Variants in MRPS9 observed in about 807,000 individuals in gnomAD.
MRPS9 encodes mitochondrial ribosomal protein S9.
A neutral mutation model predicts 59.9 loss-of-function variants in MRPS9; 45 were observed. The ratio of observed to expected loss-of-function variants is 0.75; its 90% CI spans 0.59 to 0.96. MRPS9 has a LOEUF of 0.96. Among genes scored for constraint, MRPS9 ranks in the 40% least tolerant of loss-of-function variants. MRPS9 has a pLI of 0.00. For synonymous variants in MRPS9, 171 were observed against 166.8 expected (o/e 1.03, Z -0.19); for missense variants, 473 against 481.1 (o/e 0.98, Z 0.16).
intron 5 of MRPS9, among the ~76,000 whole-genome samples, chr2:105,085,699 T>A (rs1031867872): frequency 2.0e-5 from 3 of 152,206 alleles, no homozygotes. Flanking sequence ...ATAGGCTTGC[T>A]TTGATTTTAT....
At chr2:105,088,748 G>C (rs967191387) in intron 5 of MRPS9, among the ~76,000 whole-genome samples, 8 of 151,990 alleles carry the variant, frequency 5.3e-5, no homozygotes, top group African/African-American at 1.9e-4. Flanking sequence ...CTAAAGTTAA[G>C]TGTGCTGTGA....
In MRPS9 at chr2:105,097,226, GGGGCGGGA is replaced by G. The variant is rs772731760; in HGVS notation, c.1004_1011del (p.Gly335ValfsTer36). On this transcript the variant is annotated frameshift_variant, in exon 10 of 11. Coordinates refer to ENST00000258455, the MANE Select transcript of MRPS9 (RefSeq NM_182640.3). LOFTEE classifies it high-confidence loss of function. ...CACGACGTGACCTGCACAGTCTCAG[GGGGCGGGA>G]GGTCAGCGCAGGCTGGAGCAATACG... 6.2e-7 allele frequency: 1 copy of G among 1,612,722 alleles called. No individual in the cohort carries two copies. Among genetic ancestry groups the G allele is most frequent in the Non-Finnish European group, 8.5e-7 (1 of 1,179,476 alleles).
chr2:105,064,468 G>A (rs1216979146), intron 2 of MRPS9, among the ~76,000 whole-genome samples: 9 of 152,180 alleles, frequency 5.9e-5, no homozygotes, highest in Non-Finnish European at 1.2e-4. Context: ...ATGCCACCAG[G>A]AGCACAGTCT....
rs777356053 is a variant in MRPS9, at chr2:105,093,610, C to G, written c.901C>G (p.Gln301Glu). The G allele has an allele frequency of 6.2e-7, 1 of 1,603,840 alleles. No individual in the cohort carries two copies. Among genetic ancestry groups the G allele is most frequent in the Non-Finnish European group, 8.5e-7 (1 of 1,174,396 alleles). ...GRIKVNGIDYQLYFPITQDRE... is the reference protein window; with the variant it reads ...GRIKVNGIDYELYFPITQDRE... The stretch of plus-strand genomic sequence containing the variant: ...AATAAAAGTAAATGGAATTGATTAC[C>G]AGCTTTACTTCCCGATCACACAGGA... Residue 301 changes from glutamine (Q) to glutamate (E), a missense_variant, in exon 9 of 11, where the codon CAG becomes GAG. Transcript: ENST00000258455.
chr2:105,043,090 A>G (rs1384631284), intron 1 of MRPS9, among the ~76,000 whole-genome samples: 1 of 152,222 alleles, frequency 6.6e-6, no homozygotes, highest in Non-Finnish European at 1.5e-5. Flanking sequence ...CATATCTAAC[A>G]GAATGAACAG....
At chr2:105,091,515 T>C in intron 7 of MRPS9, 1 of 343,452 alleles carries the variant, frequency 2.9e-6, no homozygotes, top group Non-Finnish European at 6.1e-6. Flanking sequence ...GTAGTTCTTT[T>C]AATATTAATC....
intron 1 of MRPS9, 124 bp from the exon 2 acceptor site, chr2:105,049,047 T>C (rs1679660519): frequency 1.5e-6 from 1 of 665,366 alleles, no homozygotes; most frequent in Non-Finnish European, 2.4e-6. Flanking sequence ...TTTGGACTCC[T>C]GTCACTTGAA....
At chr2:105,090,286 G>A (rs1190864908) in intron 7 of MRPS9, among the ~76,000 whole-genome samples, 1 of 152,194 alleles carries the variant, frequency 6.6e-6, no homozygotes, top group Non-Finnish European at 1.5e-5. Context: ...GGGAAGCACG[G>A]CAGATGTTGT....
intron 9 of MRPS9, among the ~76,000 whole-genome samples, chr2:105,095,423 A>G (rs545874470): frequency 2.0e-5 from 3 of 152,164 alleles, no homozygotes; most frequent in South Asian, 4.1e-4. Context: ...TGGATATATA[A>G]CTGAGTCATG....
At chr2:105,050,249 C>T (rs1679686249) in intron 2 of MRPS9, among the ~76,000 whole-genome samples, 1 of 152,144 alleles carries the variant, frequency 6.6e-6, no homozygotes, top group South Asian at 2.1e-4. Flanking sequence ...AAGCAGTTCT[C>T]CTGCCTCAGC....
intron 1 of MRPS9, among the ~76,000 whole-genome samples, chr2:105,041,533 T>G (rs1192302725): frequency 6.6e-6 from 1 of 152,112 alleles, no homozygotes; most frequent in Non-Finnish European, 1.5e-5. Flanking sequence ...TATCTGTTTT[T>G]TTTTTTTTAA....
intron 5 of MRPS9, among the ~76,000 whole-genome samples, chr2:105,088,338 G>C (rs552252580): frequency 1.3e-5 from 2 of 152,110 alleles, no homozygotes; most frequent in African/African-American, 4.8e-5. Flanking sequence ...GATCCTTATT[G>C]CTGGATTATT....
chr2:105,058,136 C>CTAATGAACAGAG (rs1195530709), intron 2 of MRPS9, among the ~76,000 whole-genome samples: 1 of 152,172 alleles, frequency 6.6e-6, no homozygotes, highest in Non-Finnish European at 1.5e-5. Context: ...GTGCTCACTT[C>CTAATGAACAGAG]TAATGAACAG....
intron 1 of MRPS9, among the ~76,000 whole-genome samples, chr2:105,042,134 A>AG (rs1679512637): frequency 1.3e-5 from 2 of 152,272 alleles, no homozygotes; most frequent in Admixed American, 1.3e-4. Flanking sequence ...TCTGTGGGTC[A>AG]GGGTTCTCCA....
At chr2:105,089,302 A>G (rs1680510592) in intron 6 of MRPS9, among the ~76,000 whole-genome samples, 1 of 152,226 alleles carries the variant, frequency 6.6e-6, no homozygotes, top group Non-Finnish European at 1.5e-5. Context: ...TTTAATTACT[A>G]TACCTGGATA....
At chr2:105,091,108 C>G (rs1043282109) in intron 7 of MRPS9, among the ~76,000 whole-genome samples, 2 of 151,834 alleles carry the variant, frequency 1.3e-5, no homozygotes, top group African/African-American at 4.8e-5. Context: ...ATTTTTTCTG[C>G]TTTGTAATAT....
At chr2:105,063,634 A>T (rs12619915) in intron 2 of MRPS9, among the ~76,000 whole-genome samples, 141 of 152,224 alleles carry the variant, frequency 9.3e-4, no homozygotes, top group Non-Finnish European at 1.5e-3. Context: ...TCTTAAATAC[A>T]TCTTCAAAAA....
chr2:105,093,253 A>G (rs1573449778), intron 8 of MRPS9, among the ~76,000 whole-genome samples: 1 of 152,222 alleles, frequency 6.6e-6, no homozygotes, highest in Non-Finnish European at 1.5e-5. Context: ...GGAAATGAAT[A>G]TAAATTACTT....
At chr2:105,040,055 A>G (rs959658018) in intron 1 of MRPS9, among the ~76,000 whole-genome samples, 3 of 152,316 alleles carry the variant, frequency 2.0e-5, no homozygotes, top group South Asian at 2.1e-4. Context: ...CTACTACAGC[A>G]TATATTTTAC....
Sources: gnomAD v4.1 joint callset for allele counts (sites outside exome capture counted in the v4.1 genomes callset) on GRCh38, gnomAD v4.1.1 for gene constraint, MANE v1.5 for transcripts, NCBI Gene and HGNC (gene_info 2026-07-23, HGNC 2026-07-21) for gene names.